The following DLG2 variants were observed in gnomAD, a reference collection of about 807,000 sequenced individuals.
DLG2 encodes the protein discs large MAGUK scaffold protein 2.
In DLG2, 45 loss-of-function variants were observed where a neutral mutation model predicts 132.5. The observed-to-expected ratio is 0.34, with a 90% CI of 0.27 to 0.44. DLG2 has a LOEUF of 0.44. DLG2 is among the 20% of genes least tolerant of loss of function. The pLI, the probability that DLG2 is intolerant of heterozygous loss-of-function variation, is 1.00. For synonymous variants in DLG2, 424 were observed against 419.6 expected (o/e 1.01, Z -0.13); for missense variants, 1,045 against 1,196.9 (o/e 0.87, Z 1.87).
chr11:84,804,263 G>A (rs568461804), intron 6 of DLG2, among the ~76,000 whole-genome samples: 1 of 152,342 alleles, frequency 6.6e-6, no homozygotes, highest in East Asian at 1.9e-4. Context: ...GCCAGAATTT[G>A]TAGCTTGGAA....
intron 4 of DLG2, among the ~76,000 whole-genome samples, chr11:85,163,161 G>A (rs992642630): frequency 6.6e-6 from 1 of 151,750 alleles, no homozygotes; most frequent in African/African-American, 2.4e-5. Flanking sequence ...GTGGGACCTT[G>A]TGATTGTGTG....
intron 7 of DLG2, among the ~76,000 whole-genome samples, chr11:84,528,108 A>C (rs1362204224): frequency 6.6e-6 from 1 of 152,188 alleles, no homozygotes; most frequent in Non-Finnish European, 1.5e-5. Flanking sequence ...TTTCCCCATT[A>C]CTTAGTGCTA....
chr11:85,193,326 C>T lies in DLG2; in HGVS notation c.187-38675G>A, dbSNP rs145825200. Among the ~76,000 whole-genome samples the T allele has an allele frequency of 1.2e-3, 181 of 152,196 alleles. 1 individual carries two copies. The highest frequency in any genetic ancestry group is 4.1e-3 in the African/African-American group (171 of 41,504). ...TTATCCATTCATCAGTTAATGAGCA[C>T]GAGGGTTATCTCTATTTTTGGCTAT... On this transcript the variant is annotated intron_variant, in intron 4 of 27. Coordinates refer to ENST00000376104, the MANE Select transcript of DLG2 (RefSeq NM_001142699.3).
intron 6 of DLG2, among the ~76,000 whole-genome samples, chr11:85,061,911 T>C (rs1334688259): frequency 4.0e-5 from 6 of 151,862 alleles, no homozygotes; most frequent in Non-Finnish European, 5.9e-5. Flanking sequence ...CTCCAATTCT[T>C]CAGTCACTTT....
chr11:83,882,961 T>C (rs2066711881), intron 15 of DLG2, among the ~76,000 whole-genome samples: 1 of 152,160 alleles, frequency 6.6e-6, no homozygotes, highest in South Asian at 2.1e-4. Context: ...CTTGGTTTTC[T>C]CCATCCTGTG....
chr11:84,933,928 T>C (rs2048377122), intron 6 of DLG2, among the ~76,000 whole-genome samples: 2 of 152,196 alleles, frequency 1.3e-5, no homozygotes, highest in Admixed American at 1.3e-4. Flanking sequence ...AAGGGCATCC[T>C]TTTATTGTGC....
chr11:84,444,229 G>A (rs1376853601), intron 7 of DLG2, among the ~76,000 whole-genome samples: 1 of 152,066 alleles, frequency 6.6e-6, no homozygotes, highest in African/African-American at 2.4e-5. Context: ...GGTGTGGGCA[G>A]GGAAAGGGGG....
At chr11:84,999,121 CAGATTATATCTGACCACTCTTGG>C (rs1422914102) in intron 6 of DLG2, among the ~76,000 whole-genome samples, 1 of 151,950 alleles carries the variant, frequency 6.6e-6, no homozygotes, top group Non-Finnish European at 1.5e-5. Flanking sequence ...ATGATTGGCT[CAGATTATATCTGACCACTCTTGG>C]ATGAATCAAT....
At chr11:83,691,709 C>T (rs1186889552) in intron 18 of DLG2, among the ~76,000 whole-genome samples, 1 of 152,162 alleles carries the variant, frequency 6.6e-6, no homozygotes, top group Non-Finnish European at 1.5e-5. Context: ...GCTTTGCTGT[C>T]CTGGAGAATA....
At chr11:84,413,843 A>T (rs189022688) in intron 7 of DLG2, among the ~76,000 whole-genome samples, 1 of 152,088 alleles carries the variant, frequency 6.6e-6, no homozygotes, top group Admixed American at 6.5e-5. Flanking sequence ...TTTTTTCTTC[A>T]GTATAATTAT....
intron 10 of DLG2, among the ~76,000 whole-genome samples, chr11:84,074,793 G>A (rs1029314762): frequency 6.6e-6 from 1 of 152,118 alleles, no homozygotes; most frequent in Non-Finnish European, 1.5e-5. Flanking sequence ...CTCCCAAAGT[G>A]TTGGGATTAC....
chr11:83,687,101 A>G (rs1224792875), intron 18 of DLG2, among the ~76,000 whole-genome samples: 1 of 152,208 alleles, frequency 6.6e-6, no homozygotes, highest in East Asian at 1.9e-4. Context: ...AAGGCAGAGA[A>G]GAGGCCTAGA....
chr11:85,223,467 C>T (rs1332080458), intron 4 of DLG2, among the ~76,000 whole-genome samples: 1 of 151,858 alleles, frequency 6.6e-6, no homozygotes, highest in East Asian at 1.9e-4. Context: ...AAACCCATCT[C>T]TATTAAAAAA....
chr11:83,858,267 T>G (rs577118962), intron 16 of DLG2, among the ~76,000 whole-genome samples: 13 of 152,276 alleles, frequency 8.5e-5, no homozygotes, highest in Middle Eastern at 3.4e-3. Flanking sequence ...GCTTCTTGGG[T>G]ATGTCAGGGG....
intron 6 of DLG2, among the ~76,000 whole-genome samples, chr11:84,588,240 G>A (rs969642200): frequency 6.6e-5 from 10 of 152,086 alleles, no homozygotes; most frequent in African/African-American, 1.7e-4. Flanking sequence ...GTTTGACTCC[G>A]CAATCCATGC....
At chr11:83,791,239 A>T in intron 17 of DLG2, 3 of 655,534 alleles carry the variant, frequency 4.6e-6, no homozygotes, top group South Asian at 3.7e-5. Context: ...TTTAAAGACT[A>T]TCGGTGCTGA....
chr11:85,578,949 C>G (rs1453752413), intron 3 of DLG2, among the ~76,000 whole-genome samples: 1 of 152,100 alleles, frequency 6.6e-6, no homozygotes, highest in East Asian at 1.9e-4. Flanking sequence ...CATTGTAACA[C>G]TATTCACAAT....
chr11:84,306,516 G>T (rs564802659), intron 7 of DLG2, among the ~76,000 whole-genome samples: 1 of 152,130 alleles, frequency 6.6e-6, no homozygotes, highest in African/African-American at 2.4e-5. Flanking sequence ...CTTGATTTTC[G>T]CGGAGTTATA....
chr11:84,126,774 T>C (rs2094194023), intron 9 of DLG2, among the ~76,000 whole-genome samples: 1 of 152,214 alleles, frequency 6.6e-6, no homozygotes, highest in African/African-American at 2.4e-5. Context: ...TTTACAATTA[T>C]TTTATAAACT....
Sources: gnomAD v4.1 joint callset for allele counts (sites outside exome capture counted in the v4.1 genomes callset) on GRCh38, gnomAD v4.1.1 for gene constraint, MANE v1.5 for transcripts, NCBI Gene and HGNC (gene_info 2026-07-23, HGNC 2026-07-21) for gene names.